Variants in MOCOS observed in about 807,000 individuals in gnomAD.
MOCOS encodes the protein molybdenum cofactor sulfurase.
MOCOS carries 86 observed loss-of-function variants against 83.6 expected under a neutral mutation model. That is an observed-to-expected ratio of 1.03 (90% CI 0.86 to 1.23). The LOEUF (loss-of-function observed/expected upper bound fraction) is 1.23. MOCOS is among the 50% of genes most tolerant of loss of function. MOCOS has a pLI of 0.00. For synonymous variants in MOCOS, 445 were observed against 434.7 expected, an observed-to-expected ratio of 1.02 and a Z score of -0.29; for missense variants, 1,120 against 1,126.9, an observed-to-expected ratio of 0.99 and a Z score of 0.09.
intron 6 of MOCOS, among the ~76,000 whole-genome samples, chr18:36,207,987 G>T (rs892992084): frequency 6.6e-6 from 1 of 152,098 alleles, no homozygotes; most frequent in East Asian, 1.9e-4. Context: ...GATAGGAAAG[G>T]GTCCCATTTC....
At chr18:36,219,298 T>G (rs1389639095) in intron 8 of MOCOS, among the ~76,000 whole-genome samples, 3 of 152,044 alleles carry the variant, frequency 2.0e-5, no homozygotes, top group Admixed American at 2.0e-4. Flanking sequence ...AGCAATTCTC[T>G]CAGCTGATTT....
At chr18:36,256,771 G>A (rs1400163148) in intron 11 of MOCOS, 197 bp from the exon 12 acceptor site, 5 of 569,308 alleles carry the variant, frequency 8.8e-6, no homozygotes, top group Non-Finnish European at 1.3e-5. Context: ...TTTAAACAGA[G>A]TATTCTAGAA....
At chr18:36,191,751 C>A in intron 1 of MOCOS, among the ~76,000 whole-genome samples, 1 of 958 alleles carries the variant, frequency 1.0e-3, no homozygotes, top group Admixed American at 0.025. Context: ...AATACGTGTG[C>A]ACACACACAC....
chr18:36,210,781 G>A (rs2091451813), intron 6 of MOCOS, among the ~76,000 whole-genome samples: 1 of 141,562 alleles, frequency 7.1e-6, no homozygotes, highest in Admixed American at 7.7e-5. Context: ...AACCCGAGAG[G>A]TGGAAGTTGC....
intron 10 of MOCOS, among the ~76,000 whole-genome samples, chr18:36,249,505 T>C (rs958204109): frequency 6.6e-6 from 1 of 151,106 alleles, no homozygotes; most frequent in Non-Finnish European, 1.5e-5. Context: ...CAGTGTGGGG[T>C]GGGAAGAAAA....
chr18:36,269,046 G>A lies in MOCOS; in HGVS notation c.*361G>A, dbSNP rs1032774748. 2.1e-5 allele frequency: 6 copies of A among 287,490 alleles called. No homozygotes were observed. The highest frequency in any genetic ancestry group is 4.0e-5 in the Non-Finnish European group (6 of 149,988). The allele number at this position is 287,490 out of a possible 1,614,324, so 17.8% of individuals were successfully genotyped here. On this transcript the variant is annotated 3_prime_UTR_variant, in exon 15 of 15. Coordinates refer to ENST00000261326, the MANE Select transcript of MOCOS (RefSeq NM_017947.4). ...TGCCATTTTCTCACATTGTTACTTT[G>A]TTTTTAGAGAGCATCTTTGGATCTC...
intron 3 of MOCOS, among the ~76,000 whole-genome samples, chr18:36,199,467 T>C (rs781025091): frequency 2.0e-5 from 3 of 152,234 alleles, no homozygotes; most frequent in Non-Finnish European, 4.4e-5. Flanking sequence ...ACATATCCAA[T>C]TGGAGATATC....
intron 5 of MOCOS, among the ~76,000 whole-genome samples, chr18:36,204,023 AT>A (rs570069817): frequency 6.6e-6 from 1 of 152,230 alleles, no homozygotes; most frequent in East Asian, 1.9e-4. Context: ...GCAAACCCTG[AT>A]TTTTTTCCTA....
chr18:36,262,251 A>ACACACACACACACACACACACACT (rs1491431729), intron 13 of MOCOS, among the ~76,000 whole-genome samples: 2 of 4,604 alleles, frequency 4.3e-4, no homozygotes, highest in Admixed American at 3.5e-3. Flanking sequence ...GTCTCTCTCT[A>ACACACACACACACACACACACACT]CACACACACA....
intron 12 of MOCOS, 39 bp from the exon 13 acceptor site, chr18:36,259,998 A>G (rs1388733569): frequency 3.7e-6 from 6 of 1,613,282 alleles, no homozygotes; most frequent in Middle Eastern, 3.3e-4. Flanking sequence ...ATTATCTGCC[A>G]TCCTCCCCCT....
At chr18:36,211,174 C>T (rs1476799106) in intron 6 of MOCOS, among the ~76,000 whole-genome samples, 2 of 152,130 alleles carry the variant, frequency 1.3e-5, no homozygotes, top group Admixed American at 6.5e-5. Flanking sequence ...TTTTGGTGGC[C>T]TTCGGAAACA....
At chr18:36,260,569 C>T (rs1368803090) in intron 13 of MOCOS, among the ~76,000 whole-genome samples, 1 of 152,182 alleles carries the variant, frequency 6.6e-6, no homozygotes, top group African/African-American at 2.4e-5. Context: ...GGCGGTGCCT[C>T]TTTGCCCATG....
At chr18:36,239,055 T>A (rs1345894317) in intron 9 of MOCOS, among the ~76,000 whole-genome samples, 4 of 150,910 alleles carry the variant, frequency 2.7e-5, no homozygotes, top group African/African-American at 4.9e-5. Flanking sequence ...GTTTCCTGAA[T>A]ACAGCACACT....
chr18:36,211,962 T>C (rs1350642072), intron 6 of MOCOS, among the ~76,000 whole-genome samples: 1 of 152,226 alleles, frequency 6.6e-6, no homozygotes, highest in African/African-American at 2.4e-5. Context: ...GGAGTTACGC[T>C]GTCAGCTACT....
intron 10 of MOCOS, 140 bp from the exon 11 acceptor site, chr18:36,251,019 C>T: frequency 9.7e-7 from 1 of 1,030,116 alleles, no homozygotes; most frequent in Non-Finnish European, 1.4e-6. Flanking sequence ...CTCCTTGCAG[C>T]ATCTGTCACT....
intron 1 of MOCOS, among the ~76,000 whole-genome samples, chr18:36,192,317 T>C (rs1200719304): frequency 6.6e-6 from 1 of 152,162 alleles, no homozygotes; most frequent in African/African-American, 2.4e-5. Context: ...ACATTGGCAA[T>C]AGATACTATG....
chr18:36,265,719 A>AT (rs2091679539), intron 13 of MOCOS, among the ~76,000 whole-genome samples: 1 of 146,466 alleles, frequency 6.8e-6, no homozygotes, highest in South Asian at 2.2e-4. Context: ...TATGTGTGGC[A>AT]TGTAGGCGTG....
intron 2 of MOCOS, among the ~76,000 whole-genome samples, chr18:36,196,554 G>T (rs2091388376): frequency 6.6e-6 from 1 of 152,112 alleles, no homozygotes; most frequent in Non-Finnish European, 1.5e-5. Context: ...AAGGGGTTTG[G>T]ATTTTGGCTC....
chr18:36,216,025 C>G, intron 8 of MOCOS, 48 bp downstream of exon 8: 1 of 1,534,712 alleles, frequency 6.5e-7, no homozygotes, highest in Non-Finnish European at 8.9e-7. Context: ...TGTTTACTCT[C>G]TCTATTTTTT....
Sources: gnomAD v4.1 joint callset for allele counts (sites outside exome capture counted in the v4.1 genomes callset) on GRCh38, gnomAD v4.1.1 for gene constraint, MANE v1.5 for transcripts, NCBI Gene and HGNC (gene_info 2026-07-23, HGNC 2026-07-21) for gene names.